EFCAB5: variants seen among roughly 807,000 people sequenced by gnomAD.
The protein encoded by EFCAB5 is EF-hand calcium-binding domain-containing protein 5.
EFCAB5 carries 131 observed loss-of-function variants against 167.9 expected under a neutral mutation model. The observed-to-expected ratio is 0.78, with a 90% CI of 0.68 to 0.90. The LOEUF (loss-of-function observed/expected upper bound fraction) is 0.90. Ranked by LOEUF, EFCAB5 falls within the 40% of genes least tolerant of loss-of-function variation. The pLI, the probability that EFCAB5 is intolerant of heterozygous loss-of-function variation, is 0.00. For synonymous variants in EFCAB5, 574 were observed against 602.8 expected, an observed-to-expected ratio of 0.95 and a Z score of 0.70; for missense variants, 1,663 against 1,745.2, an observed-to-expected ratio of 0.95 and a Z score of 0.84.
chr17:30,024,422 C>T (rs879382078), intron 7 of EFCAB5, among the ~76,000 whole-genome samples: 10 of 152,150 alleles, frequency 6.6e-5, no homozygotes, highest in Non-Finnish European at 1.2e-4. Context: ...TGAGTGAACT[C>T]CCATTCACAA....
At chr17:30,085,624 A>G (rs1287335154) in intron 18 of EFCAB5, among the ~76,000 whole-genome samples, 1 of 151,842 alleles carries the variant, frequency 6.6e-6, no homozygotes, top group South Asian at 2.1e-4. Flanking sequence ...AGGCTGAGGC[A>G]GGAGAATGGC....
intron 7 of EFCAB5, among the ~76,000 whole-genome samples, chr17:30,030,333 G>T (rs562344982): frequency 6.6e-6 from 1 of 151,162 alleles, no homozygotes; most frequent in Admixed American, 6.6e-5. Flanking sequence ...TCAGAAAAAG[G>T]TTTGTTTGTT....
chr17:29,967,888 CTT>C (rs35474839), intron 3 of EFCAB5, among the ~76,000 whole-genome samples: 23 of 134,768 alleles, frequency 1.7e-4, no homozygotes, highest in Middle Eastern at 3.8e-3. Flanking sequence ...ATTTCCTCAC[CTT>C]TTTTTTTTTT....
Position 30,056,064 on chromosome 17 carries a change from G to T in EFCAB5, c.2273G>T (p.Gly758Val). The change falls in exon 12 of 23, where the codon GGT (glycine) becomes GTT (valine). Residue 758 changes from glycine (G) to valine (V), a missense_variant and splice_region_variant. Transcript: ENST00000394835. Reference protein sequence around the residue: ...SQKIEGKSWSGEFFTCNWKMK... With the variant: ...SQKIEGKSWSVEFFTCNWKMK... ...TATGTTATGGAATGTGTTTTTACAGGTGAATTTTTTACTTGTAACTGGAAA... is the reference window on the plus strand; with the variant it reads ...TATGTTATGGAATGTGTTTTTACAGTTGAATTTTTTACTTGTAACTGGAAA... 1 of 1,612,868 alleles carries T rather than the reference G, an allele frequency of 6.2e-7. No individual in the cohort carries two copies. The highest frequency in any genetic ancestry group is 2.2e-5 in the East Asian group (1 of 44,822).
At chr17:30,040,750 A>C (rs964824567) in intron 8 of EFCAB5, among the ~76,000 whole-genome samples, 5 of 152,236 alleles carry the variant, frequency 3.3e-5, no homozygotes, top group African/African-American at 4.8e-5. Flanking sequence ...ACTAGGAATA[A>C]TAGCTCCTTA....
chr17:29,988,113 C>T (rs762797487), intron 4 of EFCAB5, among the ~76,000 whole-genome samples: 2 of 152,152 alleles, frequency 1.3e-5, no homozygotes, highest in African/African-American at 2.4e-5. Context: ...CTCAATTTAA[C>T]ATGGGTTAAA....
chr17:30,041,665 C>T (rs2069778437), intron 8 of EFCAB5, among the ~76,000 whole-genome samples: 4 of 152,184 alleles, frequency 2.6e-5, no homozygotes, highest in Admixed American at 2.0e-4. Context: ...AGATAAAATG[C>T]TATCAAACAG....
At chr17:30,027,443 G>A (rs1244712911) in intron 7 of EFCAB5, among the ~76,000 whole-genome samples, 1 of 151,810 alleles carries the variant, frequency 6.6e-6, no homozygotes, top group East Asian at 1.9e-4. Context: ...AGGTGTGGTT[G>A]TCCCAATGGA....
At position 30,029,575 on chromosome 17, in the gene EFCAB5, T is replaced by C. The variant is rs1015607836; in HGVS notation, c.1045-4655T>C. On this transcript the variant is annotated intron_variant, in intron 7 of 22. Coordinates refer to ENST00000394835, the MANE Select transcript of EFCAB5 (RefSeq NM_198529.4). ...TTAGCACTAATCTTTTTTTTTTTTT[T>C]TAAAGTTTCCTCCCTAAAACTGGAA... 5.3e-5 allele frequency among the ~76,000 whole-genome samples: 8 copies of C among 152,172 alleles called. No homozygotes were observed. In the South Asian group the frequency reaches 8.3e-4, roughly 16 times the overall value.
At chr17:30,085,241 T>A (rs1463254015) in intron 18 of EFCAB5, among the ~76,000 whole-genome samples, 1 of 152,216 alleles carries the variant, frequency 6.6e-6, no homozygotes, top group African/African-American at 2.4e-5. Flanking sequence ...ATTACTGCTC[T>A]GTTAACAGTA....
At chr17:30,007,053 T>G (rs1462866732) in intron 7 of EFCAB5, among the ~76,000 whole-genome samples, 1 of 152,212 alleles carries the variant, frequency 6.6e-6, no homozygotes, top group Non-Finnish European at 1.5e-5. Flanking sequence ...TTTAATACAC[T>G]ACCTATTGTC....
At chr17:29,984,979 A>G (rs1438439874) in intron 4 of EFCAB5, among the ~76,000 whole-genome samples, 1 of 152,210 alleles carries the variant, frequency 6.6e-6, no homozygotes, top group Non-Finnish European at 1.5e-5. Flanking sequence ...ATTTTAAAAT[A>G]TGTCAGATTG....
intron 6 of EFCAB5, among the ~76,000 whole-genome samples, chr17:29,997,710 A>G (rs1222812742): frequency 6.6e-6 from 1 of 152,172 alleles, no homozygotes. Flanking sequence ...TATTATAATC[A>G]GGTTTTTCAT....
intron 4 of EFCAB5, among the ~76,000 whole-genome samples, chr17:29,990,007 T>C (rs1185719910): frequency 6.6e-6 from 1 of 152,206 alleles, no homozygotes; most frequent in Non-Finnish European, 1.5e-5. Flanking sequence ...TTGAGGACTA[T>C]ATCATTGCTC....
In EFCAB5 at chr17:29,993,183, G is replaced by C. The variant is rs777134467; in HGVS notation, c.786G>C (p.Glu262Asp). The C allele has an allele frequency of 6.2e-7, 1 of 1,610,466 alleles. No homozygotes were observed. Among genetic ancestry groups the C allele is most frequent in the East Asian group, 2.2e-5 (1 of 44,780 alleles). Residue 262 changes from glutamate (E) to aspartate (D), a missense_variant, in exon 5 of 23, where the codon GAG becomes GAC. By Grantham distance (45) the Glu-to-Asp change is conservative. Coordinates refer to ENST00000394835, the MANE Select transcript of EFCAB5 (RefSeq NM_198529.4). Reference protein sequence around the residue: ...TICNRVSKMKENVKQNRKQRE... With the variant: ...TICNRVSKMKDNVKQNRKQRE... ...CCTGCAGAGTATCCAAGATGAAGGA[G>C]AATGTTAAACAGAATAGAAAACAAA...
chr17:29,962,169 A>G (rs1008727141), intron 3 of EFCAB5, among the ~76,000 whole-genome samples: 9 of 152,110 alleles, frequency 5.9e-5, no homozygotes, highest in Non-Finnish European at 4.4e-5. Flanking sequence ...TTGGCTATTC[A>G]AGGGCCTCTG....
intron 6 of EFCAB5, among the ~76,000 whole-genome samples, chr17:29,998,018 T>G (rs1373180826): frequency 6.6e-6 from 1 of 152,194 alleles, no homozygotes; most frequent in African/African-American, 2.4e-5. Context: ...CAGTAGATTT[T>G]TTTCCAATTG....
intron 22 of EFCAB5, among the ~76,000 whole-genome samples, chr17:30,098,058 C>T (rs1344568680): frequency 6.6e-6 from 1 of 152,086 alleles, no homozygotes; most frequent in Admixed American, 6.6e-5. Flanking sequence ...GCTCAGGTTT[C>T]CAAGTAGCTG....
chr17:29,994,171 T>TAC (rs2068494719), intron 5 of EFCAB5, among the ~76,000 whole-genome samples: 1 of 131,016 alleles, frequency 7.6e-6, no homozygotes, highest in Non-Finnish European at 1.6e-5. Flanking sequence ...TATATATATA[T>TAC]ATATATGTGA....
Sources: gnomAD v4.1 joint callset for allele counts (sites outside exome capture counted in the v4.1 genomes callset) on GRCh38, gnomAD v4.1.1 for gene constraint, MANE v1.5 for transcripts, NCBI Gene and HGNC (gene_info 2026-07-23, HGNC 2026-07-21) for gene names.